UBE3D: variants seen among roughly 807,000 people sequenced by gnomAD.
The protein encoded by UBE3D is ubiquitin protein ligase E3D, also known as E3 ubiquitin-protein ligase E3D.
UBE3D carries 48 observed loss-of-function variants against 49.6 expected under a neutral mutation model. That is an observed-to-expected ratio of 0.97 (90% confidence interval 0.77 to 1.23). The LOEUF is 1.23. Ranked by LOEUF, UBE3D falls within the 50% of genes most tolerant of loss-of-function variation. The pLI is 0.00. For missense variants in UBE3D, 452 were observed against 468.4 expected, an observed-to-expected ratio of 0.96 and a Z score of 0.32; for synonymous variants, 189 against 174.2, an observed-to-expected ratio of 1.08 and a Z score of -0.67.
At chr6:82,997,490 C>T (rs1375186603) in intron 8 of UBE3D, among the ~76,000 whole-genome samples, 7 of 152,010 alleles carry the variant, frequency 4.6e-5, no homozygotes, top group African/African-American at 7.2e-5. Flanking sequence ...GAGGCAGAGG[C>T]GGGAGGATCA....
chr6:82,970,339 AG>A (rs1777255573), intron 8 of UBE3D, among the ~76,000 whole-genome samples: 3 of 151,908 alleles, frequency 2.0e-5, no homozygotes, highest in Admixed American at 2.0e-4. Context: ...CAAATCTATA[AG>A]GGTTTTATAA....
At chr6:83,012,993 G>A (rs1004639552) in intron 8 of UBE3D, among the ~76,000 whole-genome samples, 2 of 152,236 alleles carry the variant, frequency 1.3e-5, no homozygotes, top group Admixed American at 1.3e-4. Flanking sequence ...AACTCCCCAT[G>A]AGGCCACTGG....
intron 8 of UBE3D, among the ~76,000 whole-genome samples, chr6:82,979,939 G>T (rs1777997857): frequency 1.3e-5 from 2 of 152,080 alleles, no homozygotes; most frequent in South Asian, 4.1e-4. Flanking sequence ...CTTTTTCATG[G>T]CCAAAGAGCA....
the UBE3D span, among the ~76,000 whole-genome samples, chr6:82,882,877 A>G: frequency 6.6e-6 from 1 of 152,192 alleles, no homozygotes; most frequent in South Asian, 2.1e-4. Context: ...GCTCCGCCCC[A>G]ATAAATCAAA....
intron 9 of UBE3D, among the ~76,000 whole-genome samples, chr6:82,908,290 C>T (rs947975272): frequency 2.0e-5 from 3 of 152,054 alleles, no homozygotes; most frequent in African/African-American, 7.2e-5. Context: ...TGGTTCTCAA[C>T]CAGGGGACAT....
At chr6:82,939,624 C>A (rs1339110934) in intron 9 of UBE3D, among the ~76,000 whole-genome samples, 1 of 152,166 alleles carries the variant, frequency 6.6e-6, no homozygotes, top group Admixed American at 6.5e-5. Context: ...GGCTTGCAGC[C>A]TAGGAGCAAT....
At chr6:82,926,176 A>AT (rs1449958036) in intron 9 of UBE3D, among the ~76,000 whole-genome samples, 1 of 152,182 alleles carries the variant, frequency 6.6e-6, no homozygotes, top group East Asian at 1.9e-4. Context: ...TGGAATCCAG[A>AT]TAAAAAGTGA....
At chr6:82,893,868 G>A (rs1443216970) in intron 9 of UBE3D, 1 of 152,180 alleles carries the variant, frequency 6.6e-6, no homozygotes, top group Non-Finnish European at 1.5e-5. Context: ...AAAAAGAGGT[G>A]TGTATTTAAC....
intron 9 of UBE3D, among the ~76,000 whole-genome samples, chr6:82,907,020 G>A (rs902647951): frequency 6.6e-6 from 1 of 152,184 alleles, no homozygotes; most frequent in African/African-American, 2.4e-5. Context: ...TTTCTAGATA[G>A]AGAACTTAAT....
In UBE3D at chr6:82,894,885, T is replaced by C. The variant is rs141048822; in HGVS notation, c.1150-1843A>G. ...GTACAAAGAAGACAATGACGCTGCTTATATTCAAACATGAAGACGATGGAA... is the reference window on the plus strand; with the variant it reads ...GTACAAAGAAGACAATGACGCTGCTCATATTCAAACATGAAGACGATGGAA... On this transcript the variant is annotated intron_variant, in intron 9 of 9. Transcript: ENST00000369747. 4.0e-3 allele frequency among the ~76,000 whole-genome samples: 615 copies of C among 152,336 alleles called. 4 individuals are homozygous for C. The highest frequency in any genetic ancestry group is 0.013 in the African/African-American group (545 of 41,568).
At chr6:83,059,449 A>G (rs912151910) in intron 1 of UBE3D, among the ~76,000 whole-genome samples, 1 of 152,204 alleles carries the variant, frequency 6.6e-6, no homozygotes, top group Non-Finnish European at 1.5e-5. Flanking sequence ...AACAGGCTGC[A>G]GGTAGGATTT....
chr6:82,912,329 T>A (rs749465721), intron 9 of UBE3D, among the ~76,000 whole-genome samples: 3 of 152,156 alleles, frequency 2.0e-5, no homozygotes, highest in Admixed American at 6.5e-5. Context: ...GCATTCATCC[T>A]TTTTTCCATT....
the UBE3D span, among the ~76,000 whole-genome samples, chr6:82,880,903 G>T: frequency 3.3e-5 from 5 of 152,150 alleles, no homozygotes; most frequent in Non-Finnish European, 7.4e-5. Flanking sequence ...TTCCTGGTTT[G>T]CAGATTGCTG....
chr6:82,945,581 T>G (rs1192598297), intron 9 of UBE3D, among the ~76,000 whole-genome samples: 1 of 152,118 alleles, frequency 6.6e-6, no homozygotes, highest in Non-Finnish European at 1.5e-5. Flanking sequence ...TACCTAACTT[T>G]TCAATATCCA....
intron 4 of UBE3D, among the ~76,000 whole-genome samples, chr6:83,043,530 T>G (rs1395030530): frequency 6.6e-6 from 1 of 152,164 alleles, no homozygotes; most frequent in Admixed American, 6.5e-5. Context: ...ACCTCCACAT[T>G]TGACGAATTT....
chr6:82,927,167 C>T (rs961890175), intron 9 of UBE3D, among the ~76,000 whole-genome samples: 6 of 150,382 alleles, frequency 4.0e-5, no homozygotes, highest in South Asian at 4.2e-4. Context: ...CATATTTTTG[C>T]GGGTCCATTT....
chr6:83,027,920 C>T (rs901458637), intron 5 of UBE3D, among the ~76,000 whole-genome samples: 7 of 152,104 alleles, frequency 4.6e-5, no homozygotes, highest in Admixed American at 2.0e-4. Flanking sequence ...GTCTGTTCTA[C>T]GTCTCTTACT....
intron 5 of UBE3D, chr6:83,032,124 G>A: frequency 2.2e-6 from 1 of 450,730 alleles, no homozygotes; most frequent in Non-Finnish European, 4.4e-6. Flanking sequence ...GCTGTGAGAA[G>A]AGGGTCACAA....
chr6:82,940,490 T>C (rs189520852), intron 9 of UBE3D, among the ~76,000 whole-genome samples: 4 of 152,222 alleles, frequency 2.6e-5, no homozygotes, highest in African/African-American at 7.2e-5. Flanking sequence ...AAAGGAAAAA[T>C]AGTGGACACA....
Sources: gnomAD v4.1 joint callset for allele counts (sites outside exome capture counted in the v4.1 genomes callset) on GRCh38, gnomAD v4.1.1 for gene constraint, MANE v1.5 for transcripts, NCBI Gene and HGNC (gene_info 2026-07-23, HGNC 2026-07-21) for gene names.